The following COLEC10 variants were observed in gnomAD, a reference collection of about 807,000 sequenced individuals.
The protein encoded by COLEC10 is collectin subfamily member 10.
A neutral mutation model predicts 28.4 loss-of-function variants in COLEC10; 22 were observed. The ratio of observed to expected loss-of-function variants is 0.78; its 90% CI spans 0.55 to 1.11. COLEC10 has a LOEUF of 1.11. Ranked by LOEUF, COLEC10 falls within the 50% of genes least tolerant of loss-of-function variation. The pLI, the probability that COLEC10 is intolerant of heterozygous loss-of-function variation, is 0.00. For synonymous variants in COLEC10, 125 were observed against 116.1 expected, an observed-to-expected ratio of 1.08 and a Z score of -0.49; for missense variants, 361 against 344.1, an observed-to-expected ratio of 1.05 and a Z score of -0.39.
At chr8:119,089,616 TG>T in intron 1 of COLEC10, 63 bp from the exon 2 acceptor site, 1 of 1,311,334 alleles carries the variant, frequency 7.6e-7, no homozygotes, top group African/African-American at 1.5e-5. Context: ...CACCTTACCC[TG>T]GGAGAATGTG....
intron 1 of COLEC10, among the ~76,000 whole-genome samples, chr8:119,069,619 AAAAAAAAAAAATAT>A (rs1563733532): frequency 1.6e-5 from 1 of 61,372 alleles, no homozygotes; most frequent in South Asian, 7.6e-4. Context: ...AAAAAAAAAA[AAAAAAAAAAAATAT>A]ATATATATAT....
chr8:119,072,035 C>G (rs1031513018), intron 1 of COLEC10, among the ~76,000 whole-genome samples: 2 of 152,188 alleles, frequency 1.3e-5, no homozygotes, highest in Non-Finnish European at 1.5e-5. Context: ...AACAGTGCCT[C>G]TGCTTCCCAG....
At chr8:118,954,115 T>C in the COLEC10 span, among the ~76,000 whole-genome samples, 1 of 152,244 alleles carries the variant, frequency 6.6e-6, no homozygotes, top group Non-Finnish European at 1.5e-5. Context: ...TGGTATTCGC[T>C]GAAGCTTTTA....
chr8:118,959,126 A>T, the COLEC10 span, among the ~76,000 whole-genome samples: 1 of 152,304 alleles, frequency 6.6e-6, no homozygotes, highest in Admixed American at 6.5e-5. Context: ...ATGTGGGGAG[A>T]TGAAAGGAAG....
chr8:119,009,899 T>C (rs1563715717), intron 2 of COLEC10, among the ~76,000 whole-genome samples: 1 of 150,520 alleles, frequency 6.6e-6, no homozygotes, highest in Non-Finnish European at 1.5e-5. Context: ...CACAGCAAAA[T>C]AAAGTGGAAA....
intron 2 of COLEC10, among the ~76,000 whole-genome samples, chr8:119,055,242 G>A (rs1343376797): frequency 6.6e-6 from 1 of 151,978 alleles, no homozygotes; most frequent in Non-Finnish European, 1.5e-5. Flanking sequence ...TCAGTGTGTG[G>A]AAACCCTACT....
the COLEC10 span, among the ~76,000 whole-genome samples, chr8:118,963,272 T>C: frequency 6.6e-6 from 1 of 152,350 alleles, no homozygotes; most frequent in Admixed American, 6.5e-5. Context: ...GAAATGAGAC[T>C]CAGTAACTTG....
intron 1 of COLEC10, among the ~76,000 whole-genome samples, chr8:119,004,840 A>G (rs9650075): frequency 0.58 from 88,500 of 151,542 alleles, 26,529 homozygotes; most frequent in African/African-American, 0.72. Context: ...TTCCTCCAAA[A>G]TAGCTTTCAA....
intron 2 of COLEC10, among the ~76,000 whole-genome samples, chr8:119,040,155 A>T (rs1004976754): frequency 1.3e-5 from 2 of 152,316 alleles, no homozygotes; most frequent in South Asian, 2.1e-4. Context: ...TATTAAACAG[A>T]TGTATTCTCC....
intron 2 of COLEC10, among the ~76,000 whole-genome samples, chr8:119,022,928 C>T (rs1814124258): frequency 6.6e-6 from 1 of 152,110 alleles, no homozygotes; most frequent in African/African-American, 2.4e-5. Context: ...CTTTCTGTGG[C>T]TCAGTCTGAG....
At chr8:119,086,820 C>T (rs375543835) in intron 1 of COLEC10, among the ~76,000 whole-genome samples, 10 of 152,284 alleles carry the variant, frequency 6.6e-5, no homozygotes, top group Non-Finnish European at 1.0e-4. Flanking sequence ...GAGCAGGACG[C>T]GCATCATTAG....
chr8:119,103,758 C>CTT, intron 4 of COLEC10, 42 bp from the exon 5 acceptor site: 1 of 1,169,738 alleles, frequency 8.5e-7, no homozygotes, highest in Non-Finnish European at 1.3e-6. Flanking sequence ...CACTGGTCTG[C>CTT]AGGTACTTCA....
intron 2 of COLEC10, among the ~76,000 whole-genome samples, chr8:119,054,139 A>G (rs1814724784): frequency 6.6e-6 from 1 of 152,136 alleles, no homozygotes; most frequent in South Asian, 2.1e-4. Flanking sequence ...GTCAGAATGG[A>G]TAGGCTGGAC....
chr8:119,072,599 T>A (rs539466340), intron 1 of COLEC10, among the ~76,000 whole-genome samples: 1 of 152,272 alleles, frequency 6.6e-6, no homozygotes, highest in Admixed American at 6.5e-5. Flanking sequence ...ATCAACCTGC[T>A]AAAACCACTA....
At chr8:119,069,340 A>G (rs1421928273) in intron 1 of COLEC10, among the ~76,000 whole-genome samples, 2 of 151,840 alleles carry the variant, frequency 1.3e-5, no homozygotes, top group African/African-American at 2.4e-5. Flanking sequence ...GTTGCCTGCA[A>G]TCCTAACACT....
chr8:119,067,384 A>G lies in COLEC10; in HGVS notation c.103A>G (p.Thr35Ala), dbSNP rs1563732681. 6.2e-7 allele frequency: 1 copy of G among 1,614,054 alleles called. No individual in the cohort carries two copies. The highest frequency in any genetic ancestry group is 8.5e-7 in the Non-Finnish European group (1 of 1,179,950). Reference sequence around the variant, plus strand: ...GGGTCTGGATATTGATAGCCGTCCTACCGCTGAAGTCTGTGCCACACACAC... The same window carrying G: ...GGGTCTGGATATTGATAGCCGTCCTGCCGCTGAAGTCTGTGCCACACACAC... ...SLGLDIDSRP[T>A]AEVCATHTIS... is the part of the protein sequence containing the mutation. Residue 35 changes from threonine (T) to alanine (A), a missense_variant, in exon 1 of 6, where the codon ACC (threonine) becomes GCC (alanine). Physicochemically the swap from Thr to Ala is moderately conservative, Grantham distance 58 (BLOSUM62 0). Transcript: ENST00000332843.
intron 2 of COLEC10, among the ~76,000 whole-genome samples, chr8:119,052,228 T>C (rs1286514637): frequency 6.6e-6 from 1 of 152,160 alleles, no homozygotes; most frequent in Non-Finnish European, 1.5e-5. Context: ...CATTCTGTAA[T>C]TTTAGCTTGA....
At position 119,107,247 on chromosome 8, in the gene COLEC10, A is replaced by T. The variant is rs1033799027; in HGVS notation, c.*1056A>T. Among the ~76,000 whole-genome samples, 26 of 152,174 alleles carry T rather than the reference A, an allele frequency of 1.7e-4. No homozygotes were observed. The highest frequency in any genetic ancestry group is 6.3e-4 in the African/African-American group (26 of 41,452). ...CTTTTACTCTTCATAAATATATGTCATAGAAATCCTACTGGAGATGTCCCT... is the reference window on the plus strand; with the variant it reads ...CTTTTACTCTTCATAAATATATGTCTTAGAAATCCTACTGGAGATGTCCCT... On this transcript the variant is annotated 3_prime_UTR_variant, in exon 6 of 6. Coordinates refer to ENST00000332843, the MANE Select transcript of COLEC10 (RefSeq NM_006438.5).
At chr8:119,057,219 C>T (rs527772443) in intron 2 of COLEC10, among the ~76,000 whole-genome samples, 3 of 152,122 alleles carry the variant, frequency 2.0e-5, no homozygotes, top group African/African-American at 7.2e-5. Flanking sequence ...TTTGACAGTT[C>T]TTCCTTCACT....
Sources: gnomAD v4.1 joint callset for allele counts (sites outside exome capture counted in the v4.1 genomes callset) on GRCh38, gnomAD v4.1.1 for gene constraint, MANE v1.5 for transcripts, NCBI Gene and HGNC (gene_info 2026-07-23, HGNC 2026-07-21) for gene names.